Variants in ADAMTS9 observed in about 807,000 individuals in gnomAD.
ADAMTS9 encodes the protein ADAM metallopeptidase with thrombospondin type 1 motif 9.
Under a neutral mutation model 257.1 loss-of-function variants are expected in ADAMTS9, and 107 were observed. The observed-to-expected ratio is 0.42, with a 90% CI of 0.36 to 0.49. ADAMTS9 has a LOEUF of 0.49. Among genes scored for constraint, ADAMTS9 ranks in the 20% least tolerant of loss-of-function variants. The pLI, the probability that ADAMTS9 is intolerant of heterozygous loss-of-function variation, is 0.03. For missense variants in ADAMTS9, 2,353 were observed against 2,469.1 expected, an observed-to-expected ratio of 0.95 and a Z score of 1.00; for synonymous variants, 982 against 880.9, an observed-to-expected ratio of 1.11 and a Z score of -2.03.
At chr3:64,570,682 C>A (rs1277032655) in intron 28 of ADAMTS9, among the ~76,000 whole-genome samples, 1 of 93,078 alleles carries the variant, frequency 1.1e-5, no homozygotes, top group Non-Finnish European at 1.9e-5. Context: ...GGCGAAAGAG[C>A]AAGACTCCGT....
intron 28 of ADAMTS9, among the ~76,000 whole-genome samples, chr3:64,574,558 A>C (rs1211526987): frequency 7.8e-6 from 1 of 127,434 alleles, no homozygotes; most frequent in Non-Finnish European, 1.6e-5. Flanking sequence ...CCCCATCTCT[A>C]CAAAAAAAAA....
Position 64,658,527 on chromosome 3 carries a change from T to G in ADAMTS9, c.944A>C (p.His315Pro), listed in dbSNP as rs1701140659. 1.9e-6 allele frequency: 3 copies of G among 1,612,966 alleles called. No individual in the cohort carries two copies. Among genetic ancestry groups the G allele is most frequent in the Non-Finnish European group, 2.5e-6 (3 of 1,179,672 alleles). The change falls in exon 4 of 40, where the codon CAC (histidine) becomes CCC (proline). Residue 315 changes from histidine to proline, a missense_variant. Physicochemically the swap from His to Pro is moderately conservative, Grantham distance 77. Transcript: ENST00000498707. ...AATTGACATTAAAGTTAAAATATAG[T>G]GTTGAAGGTTTTCTCCATGGTATGA... Reference protein sequence around the residue: ...MVSYHGENLQHYILTLMSIVA... With the variant: ...MVSYHGENLQPYILTLMSIVA...
chr3:64,579,471 G>A (rs1407736988), intron 28 of ADAMTS9, among the ~76,000 whole-genome samples: 4 of 151,918 alleles, frequency 2.6e-5, no homozygotes, highest in East Asian at 3.9e-4. Flanking sequence ...GGCAACTGCC[G>A]TCTTCTTTCA....
intron 3 of ADAMTS9, among the ~76,000 whole-genome samples, chr3:64,661,494 G>A (rs947787340): frequency 6.6e-6 from 1 of 152,162 alleles, no homozygotes; most frequent in Admixed American, 6.5e-5. Flanking sequence ...AGGAAAATAA[G>A]TCTCAAAGAA....
At chr3:64,581,259 T>C (rs2083991921) in intron 28 of ADAMTS9, among the ~76,000 whole-genome samples, 1 of 152,218 alleles carries the variant, frequency 6.6e-6, no homozygotes, top group Non-Finnish European at 1.5e-5. Context: ...GTCCATCAGT[T>C]GGTAACTACT....
intron 11 of ADAMTS9, among the ~76,000 whole-genome samples, chr3:64,644,007 G>C (rs1700725096): frequency 6.6e-6 from 1 of 152,136 alleles, no homozygotes; most frequent in Admixed American, 6.5e-5. Context: ...AGTCCTTAAA[G>C]TCTGTTTCCA....
chr3:64,614,531 C>T (rs1052238632), intron 21 of ADAMTS9, among the ~76,000 whole-genome samples: 1 of 152,098 alleles, frequency 6.6e-6, no homozygotes, highest in Non-Finnish European at 1.5e-5. Flanking sequence ...TTTTTCTTTC[C>T]CCATATTCCT....
intron 28 of ADAMTS9, among the ~76,000 whole-genome samples, chr3:64,579,838 T>G (rs1327681745): frequency 2.6e-5 from 4 of 152,180 alleles, no homozygotes; most frequent in Non-Finnish European, 5.9e-5. Flanking sequence ...AGCCACATAT[T>G]CTTGTGGTTT....
At chr3:64,621,899 CAT>C (rs1700116765) in intron 18 of ADAMTS9, among the ~76,000 whole-genome samples, 2 of 152,006 alleles carry the variant, frequency 1.3e-5, no homozygotes, top group South Asian at 4.1e-4. Context: ...AAATAAATAA[CAT>C]ATGCTATGAC....
At chr3:64,545,865 G>T (rs1474991553) in intron 32 of ADAMTS9, among the ~76,000 whole-genome samples, 9 of 152,114 alleles carry the variant, frequency 5.9e-5, no homozygotes, top group African/African-American at 2.2e-4. Context: ...CAAAGTGCTG[G>T]GATTACAGGT....
intron 28 of ADAMTS9, among the ~76,000 whole-genome samples, chr3:64,579,379 AG>A (rs1432966563): frequency 1.3e-5 from 2 of 152,290 alleles, no homozygotes; most frequent in African/African-American, 4.8e-5. Context: ...AATTTAATTA[AG>A]CTCTAATTTA....
chr3:64,559,486 C>A (rs1163714144), intron 30 of ADAMTS9, among the ~76,000 whole-genome samples: 2 of 152,320 alleles, frequency 1.3e-5, no homozygotes, highest in African/African-American at 4.8e-5. Flanking sequence ...AGGAGGGTGA[C>A]TATTAGACTC....
Position 64,602,334 on chromosome 3 carries a change from G to C in ADAMTS9, c.3748-121C>G, listed in dbSNP as rs952963934. ...CCAAATTGCTCAGGCCAAAAACCTTGGAATCACCCTTGTCTCCTCTTTTTT... is the reference window on the plus strand; with the variant it reads ...CCAAATTGCTCAGGCCAAAAACCTTCGAATCACCCTTGTCTCCTCTTTTTT... On this transcript the variant is annotated intron_variant, in intron 25 of 39. Coordinates refer to ENST00000498707, the MANE Select transcript of ADAMTS9 (RefSeq NM_182920.2). 1.4e-5 allele frequency: 15 copies of C among 1,103,474 alleles called. No individual in the cohort carries two copies. The African/African-American group carries it at 2.2e-4, about 16-fold the overall frequency. 68.4% of individuals were successfully genotyped at this position (1,103,474 alleles called of 1,614,324 possible).
intron 32 of ADAMTS9, among the ~76,000 whole-genome samples, chr3:64,543,217 A>C (rs2106915432): frequency 6.6e-6 from 1 of 152,326 alleles, no homozygotes; most frequent in East Asian, 1.9e-4. Flanking sequence ...TATCCTTCTG[A>C]AACTATTCCA....
intron 3 of ADAMTS9, among the ~76,000 whole-genome samples, chr3:64,662,843 A>T (rs1701257920): frequency 6.6e-6 from 1 of 152,150 alleles, no homozygotes; most frequent in African/African-American, 2.4e-5. Flanking sequence ...AAAACTTTTT[A>T]AATGCTGACA....
At chr3:64,551,106 ATATCC>A (rs2083265903) in intron 30 of ADAMTS9, 44 bp from the exon 31 acceptor site, 1 of 1,592,082 alleles carries the variant, frequency 6.3e-7, no homozygotes, top group African/African-American at 1.3e-5. Flanking sequence ...GTAGTTCCTT[ATATCC>A]TATGACTGTA....
intron 39 of ADAMTS9, 146 bp downstream of exon 39, chr3:64,522,020 A>G: frequency 2.8e-5 from 18 of 634,942 alleles, no homozygotes; most frequent in Non-Finnish European, 5.0e-5. Context: ...AGGACAGAGG[A>G]GCAGGAGATA....
intron 9 of ADAMTS9, 27 bp downstream of exon 9, chr3:64,650,990 T>G: frequency 6.3e-7 from 1 of 1,583,484 alleles, no homozygotes. Context: ...ACTAGAAGTT[T>G]GTGCTAAAAG....
chr3:64,568,255 C>T (rs976307255), intron 29 of ADAMTS9, 113 bp downstream of exon 29: 10 of 1,161,262 alleles, frequency 8.6e-6, no homozygotes, highest in Admixed American at 5.7e-5. Context: ...TCCCAGTCCC[C>T]GAGCTCCCCT....
Sources: allele counts gnomAD v4.1 joint callset (sites outside exome capture counted in the v4.1 genomes callset), GRCh38; gene constraint gnomAD v4.1.1; transcripts MANE v1.5; gene names NCBI Gene and HGNC (gene_info 2026-07-23, HGNC 2026-07-21).